TTC22: variants seen among roughly 807,000 people sequenced by gnomAD.
The protein encoded by TTC22 is tetratricopeptide repeat protein 22.
A neutral mutation model predicts 48.2 loss-of-function variants in TTC22; 42 were observed. The observed-to-expected ratio is 0.87, with a 90% confidence interval of 0.68 to 1.13. The LOEUF (loss-of-function observed/expected upper bound fraction) is 1.13, where lower values mean the gene tolerates loss of function less well. Among genes scored for constraint, TTC22 ranks in the 50% most tolerant of loss-of-function variants. The probability of loss-of-function intolerance (pLI) is 0.00; values close to 1 mark genes in which losing one functional copy is unlikely to be tolerated. For missense variants in TTC22, 784 were observed against 807.0 expected (o/e 0.97, Z 0.34); for synonymous variants, 345 against 365.5 (o/e 0.94, Z 0.64).
At chr1:54,793,030 AGAG>A (rs1297405438) in intron 1 of TTC22, 1 of 152,216 alleles carries the variant, frequency 6.6e-6, no homozygotes, top group Non-Finnish European at 1.5e-5. Flanking sequence ...TTCTGCCAGA[AGAG>A]GAGTATTTAC....
At chr1:54,788,142 C>G (rs1278592465) in intron 1 of TTC22, 45 bp from the exon 2 acceptor site, 1 of 1,591,982 alleles carries the variant, frequency 6.3e-7, no homozygotes, top group South Asian at 1.1e-5. Context: ...CTGAGGTACT[C>G]TGGCCATTGT....
At chr1:54,784,735 T>C (rs1646287291) in intron 5 of TTC22, 5 of 1,269,194 alleles carry the variant, frequency 3.9e-6, no homozygotes, top group African/African-American at 1.6e-5. Context: ...CACTAGGTCA[T>C]GTGGATAGTA....
chr1:54,786,280 T>C (rs1160738911), intron 4 of TTC22, 136 bp from the exon 5 acceptor site: 1 of 736,350 alleles, frequency 1.4e-6, no homozygotes, highest in Non-Finnish European at 2.2e-6. Context: ...ATATCCACCC[T>C]TATCCACCTG....
chr1:54,790,829 CCTT>C (rs1646345051), intron 1 of TTC22, among the ~76,000 whole-genome samples: 2 of 151,810 alleles, frequency 1.3e-5, no homozygotes, highest in African/African-American at 2.4e-5. Flanking sequence ...CCTTCTTCTT[CCTT>C]CTTCTTCTCC....
chr1:54,785,779 C>T (rs2270001), intron 5 of TTC22: 90,368 of 559,502 alleles, frequency 0.16, 10,747 homozygotes, highest in East Asian at 0.49. Context: ...CACCACCATA[C>T]TCCAGTTGGG....
chr1:54,792,919 T>C (rs1646363667), intron 1 of TTC22: 1 of 152,162 alleles, frequency 6.6e-6, no homozygotes, highest in Non-Finnish European at 1.5e-5. Context: ...GAGAATAAAG[T>C]TGCTGTGAAA....
At position 54,781,051 on chromosome 1, in the gene TTC22, G is replaced by T. The variant is rs889137677; in HGVS notation, c.*192C>A. 1 of 416,604 alleles carries T rather than the reference G, an allele frequency of 2.4e-6. No individual in the cohort carries two copies. 25.8% of individuals were successfully genotyped at this position (416,604 alleles called of 1,614,324 possible). A position where few individuals can be genotyped will look rare whatever the true frequency, so the allele number is the denominator to read the frequency against. Reference sequence around the variant, plus strand: ...AGCCTCTTCTGCTCTCGGGAATCAGGCCTTCCAGTCTGGGTGGGCGTTTCA... The same window carrying T: ...AGCCTCTTCTGCTCTCGGGAATCAGTCCTTCCAGTCTGGGTGGGCGTTTCA... On this transcript the variant is annotated 3_prime_UTR_variant, in exon 7 of 7. Transcript: ENST00000371276.
Position 54,781,188 on chromosome 1 carries a change from GCTGGGCGGGGC to G in TTC22, c.*44_*54del, listed in dbSNP as rs1646258217. 5.4e-5 allele frequency: 70 copies of G among 1,287,556 alleles called. No homozygotes were observed. In the South Asian group the frequency reaches 1.2e-3, roughly 21 times the overall value. 79.8% of individuals were successfully genotyped at this position (1,287,556 alleles called of 1,614,324 possible). ...AGTCCATCCGGACCTGGTCCCATCA[GCTGGGCGGGGC>G]CTGGGCGGGGTCCCAGGGAGCCTCC... On this transcript the variant is annotated 3_prime_UTR_variant, in exon 7 of 7. Transcript: ENST00000371276.
intron 1 of TTC22, among the ~76,000 whole-genome samples, chr1:54,799,211 G>A (rs972836714): frequency 1.3e-5 from 2 of 152,128 alleles, no homozygotes; most frequent in African/African-American, 2.4e-5. Context: ...TGAAGCAATC[G>A]GCTCCCTCCC....
Position 54,787,576 on chromosome 1 carries a change from TG to T in TTC22, c.739+134del. On this transcript the variant is annotated intron_variant, in intron 3 of 6. Coordinates refer to ENST00000371276, the MANE Select transcript of TTC22 (RefSeq NM_001114108.2). ...ATGTGGGCTCCTTGAGGTGCACAGA[TG>T]AGTGTAGGGGACAGAGCGAAGGAGG... is the stretch of plus-strand genomic sequence containing the variant. 4 of 688,750 alleles carry T rather than the reference TG, an allele frequency of 5.8e-6. No individual in the cohort carries two copies. The South Asian group carries it at 6.8e-5, about 12-fold the overall frequency. 42.7% of individuals were successfully genotyped at this position (688,750 alleles called of 1,614,324 possible). A position where few individuals can be genotyped will look rare whatever the true frequency, so the allele number is the denominator to read the frequency against.
intron 5 of TTC22, chr1:54,785,687 C>T (rs997510184): frequency 9.7e-6 from 4 of 412,240 alleles, no homozygotes; most frequent in Non-Finnish European, 1.8e-5. Flanking sequence ...GTGGTGTGCA[C>T]CTGTAGTCCC....
chr1:54,799,391 C>T (rs891461863), intron 1 of TTC22, among the ~76,000 whole-genome samples: 1 of 152,212 alleles, frequency 6.6e-6, no homozygotes, highest in African/African-American at 2.4e-5. Context: ...AGTGAACGGC[C>T]TCCTAAGAGC....
In TTC22 at chr1:54,800,780, G is replaced by T; in HGVS notation, c.384C>A (p.Asp128Glu). The T allele has an allele frequency of 6.4e-7, 1 of 1,559,816 alleles. No individual in the cohort carries two copies. The change falls in exon 1 of 7, where the codon GAC becomes GAA. Residue 128 changes from aspartate (D) to glutamate (E), a missense_variant. Transcript: ENST00000371276. ...EEEACAARLA[D>E]LMGLAEEPEA... ...CGGGCTCCTCTGCCAGGCCCATGAG[G>T]TCGGCCAGCCGTGCGGCGCACGCCT...
Position 54,800,969 on chromosome 1 carries a change from G to T in TTC22, c.195C>A (p.Arg65=). 6.2e-7 allele frequency: 1 copy of T among 1,603,072 alleles called. No individual in the cohort carries two copies. Residue 65 remains arginine (R), a synonymous_variant, in exon 1 of 7, where the codon CGC becomes CGA. Transcript: ENST00000371276. ...CGCCCAGGAGGTGACGCACAGCGGG[G>T]CGCTGCGGGGCGGCCGCCAGCTGGA... ...QELQLAAAPQ[R]PAVRHLLGAF... is the part of the protein sequence containing the mutation.
intron 1 of TTC22, among the ~76,000 whole-genome samples, chr1:54,789,597 C>T (rs1447174058): frequency 6.6e-6 from 1 of 152,200 alleles, no homozygotes; most frequent in African/African-American, 2.4e-5. Context: ...AAAAGGGGCC[C>T]CACTAATTGC....
At chr1:54,795,032 G>A (rs912735021) in intron 1 of TTC22, 8 of 152,296 alleles carry the variant, frequency 5.3e-5, no homozygotes, top group African/African-American at 1.9e-4. Context: ...GTGGGCCATA[G>A]TACAAGACAG....
chr1:54,792,431 GTC>G lies in TTC22; in HGVS notation c.568-4336_568-4335del, dbSNP rs199843411. 5.2e-3 allele frequency among the ~76,000 whole-genome samples: 794 copies of G among 151,810 alleles called. 10 individuals carry two copies. The highest frequency in any genetic ancestry group is 0.018 in the African/African-American group (751 of 41,338). The stretch of plus-strand genomic sequence containing the variant: ...TGCAATTCTGGCTCCAAAATAGACT[GTC>G]TCTCTCTCTTTTTTTTTTTTTAGAC... On this transcript the variant is annotated intron_variant, in intron 1 of 6. Transcript: ENST00000371276.
At chr1:54,790,037 G>A (rs1192158288) in intron 1 of TTC22, among the ~76,000 whole-genome samples, 4 of 152,180 alleles carry the variant, frequency 2.6e-5, no homozygotes, top group African/African-American at 9.7e-5. Context: ...CCAGGGTCAG[G>A]ACTTGGAGCT....
Position 54,801,276 on chromosome 1 carries a change from A to C in TTC22, c.-113T>G. 1 of 1,134,440 alleles carries C rather than the reference A, an allele frequency of 8.8e-7. No individual in the cohort carries two copies. The highest frequency in any genetic ancestry group is 1.2e-6 in the Non-Finnish European group (1 of 805,770). The allele number at this position is 1,134,440 out of a possible 1,614,324, so 70.3% of individuals were successfully genotyped here. On this transcript the variant is annotated 5_prime_UTR_variant, in exon 1 of 7. Coordinates refer to ENST00000371276, the MANE Select transcript of TTC22 (RefSeq NM_001114108.2). ...GCGGGAGGCGAGGGGCAGCCGGCAGAGGCCCCGGGCGCTGCGGCCTCTCGG... is the reference window on the plus strand; with the variant it reads ...GCGGGAGGCGAGGGGCAGCCGGCAGCGGCCCCGGGCGCTGCGGCCTCTCGG...
Sources: gnomAD v4.1 joint callset for allele counts (sites outside exome capture counted in the v4.1 genomes callset) on GRCh38, gnomAD v4.1.1 for gene constraint, MANE v1.5 for transcripts, NCBI Gene and HGNC (gene_info 2026-07-23, HGNC 2026-07-21) for gene names.